PHLDA1: variants seen among roughly 807,000 people sequenced by gnomAD.
PHLDA1 encodes the protein pleckstrin homology-like domain family A member 1.
Under a neutral mutation model 33.8 loss-of-function variants are expected in PHLDA1, and 28 were observed. The observed-to-expected ratio is 0.83, with a 90% CI of 0.61 to 1.14. PHLDA1 has a LOEUF of 1.14. PHLDA1 is among the 50% of genes most tolerant of loss of function. PHLDA1 has a pLI of 0.00. For missense variants in PHLDA1, 595 were observed against 548.6 expected, an observed-to-expected ratio of 1.08 and a Z score of -0.84; for synonymous variants, 271 against 243.6, an observed-to-expected ratio of 1.11 and a Z score of -1.05.
intron 1 of PHLDA1, 47 bp from the exon 2 acceptor site, chr12:76,030,139 G>C (rs143980250): frequency 4.0e-6 from 1 of 248,722 alleles, no homozygotes; most frequent in African/African-American, 2.2e-5. Context: ...AGAACCCTCC[G>C]AGACCAGTTC....
Position 76,031,322 on chromosome 12 carries a change from C to T in PHLDA1, c.420G>A (p.Gly140=). Residue 140 remains glycine, a synonymous_variant, in exon 1 of 2, where the codon GGG becomes GGA. Coordinates refer to ENST00000266671, the Ensembl canonical transcript of PHLDA1. This position sits in a 1 kb window ranked among gnomAD's most constrained non-coding sequence, Gnocchi z 5.4. ...TGCAGCCGCTACTCTCCAGCATCCT[C>T]CCAGCATAAGAGGGGCCGCCGCTTG... is the stretch of plus-strand genomic sequence containing the variant. 6.2e-7 allele frequency: 1 copy of T among 1,613,384 alleles called. No individual in the cohort carries two copies.
At position 76,031,543 on chromosome 12, in the gene PHLDA1, A is replaced by T; in HGVS notation, c.199T>A (p.Ser67Thr). The T allele has an allele frequency of 5.8e-6, 9 of 1,546,170 alleles. No individual in the cohort carries two copies. Among genetic ancestry groups the T allele is most frequent in the Non-Finnish European group, 7.8e-6 (9 of 1,150,124 alleles). Reference sequence around the variant, plus strand: ...GTCCTGATGCGCCACAAGGTCCCGGAGCTCCGAGCTGCCGGGCCTCTGCCG... The same window carrying T: ...GTCCTGATGCGCCACAAGGTCCCGGTGCTCCGAGCTGCCGGGCCTCTGCCG... The change falls in exon 1 of 2, where the codon TCC becomes ACC. Residue 67 changes from serine (S) to threonine (T), a missense_variant. Transcript: ENST00000266671. This position sits in a 1 kb window ranked among gnomAD's most constrained non-coding sequence, Gnocchi z 5.4.
In PHLDA1 at chr12:76,031,429, G is replaced by A. The variant is rs376479197; in HGVS notation, c.313C>T (p.Arg105Cys). 2 of 1,549,090 alleles carry A rather than the reference G, an allele frequency of 1.3e-6. No individual in the cohort carries two copies. Among genetic ancestry groups the A allele is most frequent in the Non-Finnish European group, 1.7e-6 (2 of 1,149,318 alleles). ...CCGTCCTCGCCCCAGCGGCTCCCAC[G>A]GCCGCCTGCCCGGAGCGCGCAGAGG... Residue 105 changes from arginine to cysteine, a missense_variant, in exon 1 of 2, where the codon CGT becomes TGT. Transcript: ENST00000266671. The surrounding 1 kb of genome is among the most constrained non-coding windows in gnomAD (Gnocchi z 5.4).
At chr12:76,029,559 C>CA (rs541127143) in exon 2 of PHLDA1, 16 of 152,434 alleles carry the variant, frequency 1.0e-4, no homozygotes, top group African/African-American at 3.6e-4. Context: ...TAAAAATCCT[C>CA]AAAAAAAGTA....
rs760104415 is a variant in PHLDA1, at chr12:76,031,127, G to A, written c.615C>T (p.Pro205=). The change falls in exon 1 of 2, where the codon CCC becomes CCT. Residue 205 remains proline (P), a synonymous_variant. Coordinates refer to ENST00000266671, the Ensembl canonical transcript of PHLDA1. The surrounding 1 kb of genome is among the most constrained non-coding windows in gnomAD (Gnocchi z 5.4). ...GGGACGGCTCGGCCGGCCCCTGCCCGGGCTGTTGTTGCTGCTGCTGCTGCT... is the reference window on the plus strand; with the variant it reads ...GGGACGGCTCGGCCGGCCCCTGCCCAGGCTGTTGTTGCTGCTGCTGCTGCT... The A allele has an allele frequency of 3.8e-6, 6 of 1,597,608 alleles. No homozygotes were observed. The African/African-American group carries it at 4.3e-5, about 11-fold the overall frequency.
At chr12:76,028,088 A>G (rs1870815530) in exon 2 of PHLDA1, 1 of 152,006 alleles carries the variant, frequency 6.6e-6, no homozygotes, top group Admixed American at 6.5e-5. Flanking sequence ...ACTATGAGGT[A>G]CTCCTCAAAA....
exon 2 of PHLDA1, chr12:76,027,604 A>G (rs1253523908): frequency 6.6e-6 from 1 of 151,972 alleles, no homozygotes; most frequent in East Asian, 1.9e-4. Context: ...TCTACTAAAA[A>G]TACAAAAATC....
In PHLDA1 at chr12:76,031,172, CTG is replaced by C; in HGVS notation, c.568_569del (p.Gln190AlafsTer226). 3.4e-6 allele frequency: 4 copies of C among 1,179,404 alleles called. No individual in the cohort carries two copies. Among genetic ancestry groups the C allele is most frequent in the South Asian group, 1.3e-5 (1 of 75,224 alleles). 73.1% of individuals were successfully genotyped at this position (1,179,404 alleles called of 1,614,324 possible). Reference sequence around the variant, plus strand: ...GCTGCTGCTGTTGCTGCTGCTGCTGCTGGTGTTGCAGCTGCTTGGGCGGGATA... The same window carrying C: ...GCTGCTGCTGTTGCTGCTGCTGCTGCGTGTTGCAGCTGCTTGGGCGGGATA... On this transcript the variant is annotated frameshift_variant, in exon 1 of 2. Transcript: ENST00000266671. LOFTEE classifies it high-confidence loss of function. The surrounding 1 kb of genome is among the most constrained non-coding windows in gnomAD (Gnocchi z 5.4).
Position 76,031,154 on chromosome 12 carries a change from CTGT to C in PHLDA1, c.585_587del (p.Gln204del), listed in dbSNP as rs765374191. On this transcript the variant is annotated inframe_deletion, in exon 1 of 2. Transcript: ENST00000266671. This position sits in a 1 kb window ranked among gnomAD's most constrained non-coding sequence, Gnocchi z 5.4. ...GCTGTTGTTGCTGCTGCTGCTGCTG[CTGT>C]TGCTGCTGCTGCTGCTGGTGTTGCA... 3.9e-5 allele frequency: 26 copies of C among 667,116 alleles called. No homozygotes were observed. The highest frequency in any genetic ancestry group is 1.8e-4 in the African/African-American group (3 of 16,236). The allele number at this position is 667,116 out of a possible 1,614,324, so 41.3% of individuals were successfully genotyped here.
exon 1 of PHLDA1, chr12:76,030,820 G>A (rs781512342): frequency 1.9e-6 from 3 of 1,563,500 alleles, no homozygotes; most frequent in Non-Finnish European, 2.6e-6. Context: ...GGCTGCGAGG[G>A]GGGCTGCTGC....
chr12:76,030,941 C>A (rs1439837053), exon 1 of PHLDA1: 2 of 1,613,976 alleles, frequency 1.2e-6, no homozygotes, highest in Admixed American at 1.7e-5. Context: ...CCTGGTCTTG[C>A]GGGCACCGAA....
chr12:76,028,972 CAATGAAAA>C (rs1305073002), exon 2 of PHLDA1: 1 of 152,278 alleles, frequency 6.6e-6, no homozygotes, highest in Non-Finnish European at 1.5e-5. Context: ...TCTCACAGAG[CAATGAAAA>C]GCAAAACAGT....
exon 2 of PHLDA1, chr12:76,028,479 C>T (rs2078437791): frequency 1.3e-5 from 2 of 152,244 alleles, no homozygotes; most frequent in Non-Finnish European, 1.5e-5. Context: ...GTAATTTGAC[C>T]TTGGAACTCC....
At chr12:76,026,588 CGTA>C (rs1293633704) in exon 2 of PHLDA1, 1 of 151,370 alleles carries the variant, frequency 6.6e-6, no homozygotes, top group Non-Finnish European at 1.5e-5. Flanking sequence ...TTAAGTAATG[CGTA>C]GTTTTTATTT....
At chr12:76,025,549 A>G (rs1870759437) in exon 2 of PHLDA1, 1 of 152,224 alleles carries the variant, frequency 6.6e-6, no homozygotes, top group African/African-American at 2.4e-5. Flanking sequence ...ATATTTACAC[A>G]AGTTCTGACC....
chr12:76,031,696 G>A lies in PHLDA1; in HGVS notation c.46C>T (p.Pro16Ser), dbSNP rs3747549. ...GGCTCCTGGCGCCCGCACCGCGGGG[G>A]AAAGCCCAGCTCCAAGAGGCGCTCG... Residue 16 changes from proline (P) to serine (S), a missense_variant, in exon 1 of 2, where the codon CCC becomes TCC. Pro to Ser is a moderately conservative substitution (Grantham distance 74). Around this residue, in one of 3 missense-constraint regions of PHLDA1, gnomAD observed 263 missense variants for 232.3 expected, o/e 1.13. Transcript: ENST00000266671. This position sits in a 1 kb window ranked among gnomAD's most constrained non-coding sequence, Gnocchi z 5.4. The A allele has an allele frequency of 0.076, 109,552 of 1,446,676 alleles. 4,383 individuals are homozygous for A. The highest frequency in any genetic ancestry group is 0.1 in the East Asian group (3,630 of 35,724). 89.6% of individuals were successfully genotyped at this position (1,446,676 alleles called of 1,614,324 possible). A position where few individuals can be genotyped will look rare whatever the true frequency, so the allele number is the denominator to read the frequency against.
At chr12:76,025,721 C>A (rs1400872799) in exon 2 of PHLDA1, 1 of 152,152 alleles carries the variant, frequency 6.6e-6, no homozygotes, top group Admixed American at 6.5e-5. Context: ...TATACAGTGA[C>A]CTGGAAGGAC....
Position 76,031,137 on chromosome 12 carries a change from T to G in PHLDA1, c.605A>C (p.Gln202Pro). The change falls in exon 1 of 2, where the codon CAA becomes CCA. Residue 202 changes from glutamine to proline, a missense_variant. Coordinates refer to ENST00000266671, the Ensembl canonical transcript of PHLDA1. This position sits in a 1 kb window ranked among gnomAD's most constrained non-coding sequence, Gnocchi z 5.4. The stretch of plus-strand genomic sequence containing the variant: ...GGCCGGCCCCTGCCCGGGCTGTTGT[T>G]GCTGCTGCTGCTGCTGCTGTTGCTG... 6.7e-7 allele frequency: 1 copy of G among 1,487,758 alleles called. No homozygotes were observed. Among genetic ancestry groups the G allele is most frequent in the Non-Finnish European group, 8.9e-7 (1 of 1,127,338 alleles). 92.2% of individuals were successfully genotyped at this position (1,487,758 alleles called of 1,614,324 possible).
At chr12:76,030,214 C>A in intron 1 of PHLDA1, 122 bp from the exon 2 acceptor site, 1 of 444,070 alleles carries the variant, frequency 2.3e-6, no homozygotes, top group Middle Eastern at 6.0e-4. Context: ...CCTCAACTGC[C>A]CAAACATATA....
Sources: allele counts gnomAD v4.1 joint callset, GRCh38; gene constraint gnomAD v4.1.1; regional missense constraint gnomAD v4.1.1; non-coding constraint Gnocchi (gnomAD v3.1); transcripts MANE v1.5; gene names NCBI Gene and HGNC (gene_info 2026-07-23, HGNC 2026-07-21).